Variants in AFDN observed in about 807,000 individuals in gnomAD.
AFDN encodes afadin.
Under a neutral mutation model 216.6 loss-of-function variants are expected in AFDN, and 68 were observed. The observed-to-expected ratio is 0.31, with a 90% CI of 0.26 to 0.38. AFDN has a LOEUF of 0.38. AFDN is among the 10% of genes least tolerant of loss of function. AFDN has a pLI of 1.00. For missense variants in AFDN, 2,136 were observed against 2,342.0 expected (o/e 0.91, Z 1.82); for synonymous variants, 868 against 853.7 (o/e 1.02, Z -0.29).
rs553309888 is a variant in AFDN at position 167,960,819 on chromosome 6, A to G, written c.4834-1614A>G. ...GGCTTCCTTGTGGGTTCTTAGTGGCATCTACTCCTGCTATAAGCCCCCTAA... is the reference window on the plus strand; with the variant it reads ...GGCTTCCTTGTGGGTTCTTAGTGGCGTCTACTCCTGCTATAAGCCCCCTAA... On this transcript the variant is annotated intron_variant, in intron 30 of 33. Transcript: ENST00000683244. Among the ~76,000 whole-genome samples, 3 of 152,284 alleles carry G rather than the reference A, an allele frequency of 2.0e-5. No individual in the cohort carries two copies. In the South Asian group the frequency reaches 6.2e-4, roughly 32 times the overall value.
intron 2 of AFDN, 90 bp downstream of exon 2, chr6:167,864,836 A>G: frequency 7.8e-7 from 1 of 1,281,626 alleles, no homozygotes; most frequent in Non-Finnish European, 1.1e-6. Flanking sequence ...TGTCAGGTTT[A>G]CTGCTCGTCT....
chr6:167,943,624 T>C (rs1387753666), intron 25 of AFDN, 149 bp downstream of exon 25: 2 of 617,836 alleles, frequency 3.2e-6, no homozygotes, highest in South Asian at 2.4e-5. Flanking sequence ...TCACTTGTTA[T>C]CAAATTATAA....
At chr6:167,966,413 G>A in intron 32 of AFDN, 2 of 660,508 alleles carry the variant, frequency 3.0e-6, no homozygotes, top group Non-Finnish European at 4.4e-6. Context: ...ACTGGTCTCG[G>A]CATGGTGATC....
intron 1 of AFDN, among the ~76,000 whole-genome samples, chr6:167,833,537 G>C (rs1452752762): frequency 2.6e-5 from 4 of 152,150 alleles, no homozygotes; most frequent in Non-Finnish European, 5.9e-5. Context: ...AAAACTTTTG[G>C]TTCTTCCAAG....
Position 167,913,950 on chromosome 6 carries a change from A to G in AFDN, c.2059-218A>G, listed in dbSNP as rs183893625. On this transcript the variant is annotated intron_variant, in intron 16 of 33. Transcript: ENST00000683244. ...TGTAGCTAACTGAATCCATATGTCTATGTGCATGAATCCTAAGAAATAGTT... is the reference window on the plus strand; with the variant it reads ...TGTAGCTAACTGAATCCATATGTCTGTGTGCATGAATCCTAAGAAATAGTT... The G allele has an allele frequency of 3.4e-4, 184 of 544,466 alleles. 1 individual carries two copies. The highest frequency in any genetic ancestry group is 2.5e-3 in the East Asian group (84 of 33,502). 33.7% of individuals were successfully genotyped at this position (544,466 alleles called of 1,614,324 possible).
At chr6:167,942,081 G>A (rs547945324) in intron 23 of AFDN, among the ~76,000 whole-genome samples, 1 of 152,262 alleles carries the variant, frequency 6.6e-6, no homozygotes, top group South Asian at 2.1e-4. Flanking sequence ...GTTTGGTTTG[G>A]TTTGGTTTGG....
chr6:167,899,103 C>A (rs190255590), intron 11 of AFDN, among the ~76,000 whole-genome samples: 3 of 152,146 alleles, frequency 2.0e-5, no homozygotes, highest in Admixed American at 1.3e-4. Context: ...GAAGCACAGA[C>A]ATGAACCCGC....
intron 2 of AFDN, among the ~76,000 whole-genome samples, chr6:167,867,437 T>C (rs1475735860): frequency 1.3e-5 from 2 of 150,758 alleles, no homozygotes; most frequent in African/African-American, 4.9e-5. Context: ...CTTTTCTTTT[T>C]TTTTTTTTTT....
At chr6:167,869,310 A>T (rs1014619017) in intron 2 of AFDN, among the ~76,000 whole-genome samples, 1 of 152,172 alleles carries the variant, frequency 6.6e-6, no homozygotes. Flanking sequence ...CAGGTTACAG[A>T]GCATTCCTGT....
intron 5 of AFDN, among the ~76,000 whole-genome samples, chr6:167,878,957 C>T (rs1185343097): frequency 1.3e-5 from 2 of 152,204 alleles, no homozygotes; most frequent in African/African-American, 2.4e-5. Flanking sequence ...AGGATGCTCT[C>T]GGTCATGTTC....
intron 1 of AFDN, chr6:167,864,264 C>T (rs1783913145): frequency 3.2e-6 from 2 of 623,024 alleles, no homozygotes; most frequent in East Asian, 7.3e-5. Context: ...CATGGTGTGC[C>T]TACCACTTGC....
At chr6:167,964,005 G>C in intron 31 of AFDN, 1 of 1,064,418 alleles carries the variant, frequency 9.4e-7, no homozygotes, top group South Asian at 4.6e-5. Flanking sequence ...CCGGAGCCTC[G>C]GCGGGGGCAG....
At chr6:167,890,046 GTTT>G (rs1405846177) in intron 7 of AFDN, among the ~76,000 whole-genome samples, 2 of 152,190 alleles carry the variant, frequency 1.3e-5, no homozygotes, top group African/African-American at 4.8e-5. Flanking sequence ...TTAAAGCTGT[GTTT>G]TTAAGAAAAT....
chr6:167,863,153 A>G (rs1583199129), intron 1 of AFDN, among the ~76,000 whole-genome samples: 5 of 152,232 alleles, frequency 3.3e-5, no homozygotes, highest in Admixed American at 6.5e-5. Context: ...GAGCGCCAAC[A>G]TGACACTCAA....
In AFDN at chr6:167,914,717, A is replaced by C; in HGVS notation, c.2278A>C (p.Ser760Arg). 6.2e-7 allele frequency: 1 copy of C among 1,612,774 alleles called. No individual in the cohort carries two copies. The highest frequency in any genetic ancestry group is 8.5e-7 in the Non-Finnish European group (1 of 1,178,868). Reference protein sequence around the residue: ...PAFLDDPEENSLQRPKIDDVL... With the variant: ...PAFLDDPEENRLQRPKIDDVL... ...CTTTCTAGATGACCCTGAAGAGAAC[A>C]GTCTGCAACGACCAAAAATAGGTTA... Residue 760 changes from serine to arginine, a missense_variant, in exon 18 of 34, where the codon AGT (serine) becomes CGT (arginine). Physicochemically the swap from Ser to Arg is moderately radical, Grantham distance 110. Coordinates refer to ENST00000683244, the MANE Select transcript of AFDN (RefSeq NM_001386888.1).
At chr6:167,927,884 G>C (rs1297466727) in intron 23 of AFDN, among the ~76,000 whole-genome samples, 1 of 152,168 alleles carries the variant, frequency 6.6e-6, no homozygotes, top group African/African-American at 2.4e-5. Context: ...TTTGCTTACC[G>C]ACTGAGTCAA....
Position 167,911,161 on chromosome 6 carries a change from T to C in AFDN, c.1830T>C (p.Ser610=). The C allele has an allele frequency of 6.2e-7, 1 of 1,613,596 alleles. No individual in the cohort carries two copies. Residue 610 remains serine (S), a splice_region_variant and synonymous_variant, in exon 14 of 34, where the codon AGT becomes AGC. Transcript: ENST00000683244. ...CTGCAAGCATTGAATTCAGGGAAAG[T>C]TGTGAGTAATTTCAGATTTCATTGT... is the stretch of plus-strand genomic sequence containing the variant. ...ILPASIEFRE[S]SEDSFLSAII...
At chr6:167,944,191 G>C in intron 26 of AFDN, 132 bp downstream of exon 26, 1 of 676,384 alleles carries the variant, frequency 1.5e-6, no homozygotes. Flanking sequence ...GGATGAGAGC[G>C]CTTCAGCATA....
intron 6 of AFDN, among the ~76,000 whole-genome samples, chr6:167,884,684 TTTG>T (rs1786555230): frequency 6.6e-6 from 1 of 151,892 alleles, no homozygotes; most frequent in Non-Finnish European, 1.5e-5. Context: ...ACATCTAGGA[TTTG>T]TTGTTCATTT....
Sources: gnomAD v4.1 joint callset for allele counts (sites outside exome capture counted in the v4.1 genomes callset) on GRCh38, gnomAD v4.1.1 for gene constraint, MANE v1.5 for transcripts, NCBI Gene and HGNC (gene_info 2026-07-23, HGNC 2026-07-21) for gene names.